The following DAAM2 variants were observed in gnomAD, a reference collection of about 807,000 sequenced individuals.
The protein encoded by DAAM2 is dishevelled associated activator of morphogenesis 2.
A neutral mutation model predicts 120.7 loss-of-function variants in DAAM2; 39 were observed. The ratio of observed to expected loss-of-function variants is 0.32; its 90% CI spans 0.25 to 0.42. DAAM2 has a LOEUF of 0.42. Among genes scored for constraint, DAAM2 ranks in the 10% least tolerant of loss-of-function variants. DAAM2 has a pLI of 1.00. For missense variants in DAAM2, 1,283 were observed against 1,401.7 expected (o/e 0.92, Z 1.35); for synonymous variants, 488 against 524.9 (o/e 0.93, Z 0.96).
At chr6:39,797,975 T>A (rs1422159794) in intron 1 of DAAM2, among the ~76,000 whole-genome samples, 1 of 152,256 alleles carries the variant, frequency 6.6e-6, no homozygotes, top group African/African-American at 2.4e-5. Context: ...CCATCTCTGT[T>A]CATTTGTGCT....
chr6:39,897,399 G>A, intron 21 of DAAM2, 117 bp downstream of exon 21: 1 of 658,832 alleles, frequency 1.5e-6, no homozygotes, highest in South Asian at 1.8e-5. Context: ...CTCGGTTCTT[G>A]TCTTCTGAGT....
intron 23 of DAAM2, 24 bp downstream of exon 23, chr6:39,900,232 G>C: frequency 2.5e-6 from 4 of 1,605,726 alleles, no homozygotes; most frequent in Non-Finnish European, 3.4e-6. Flanking sequence ...AACCCCCACT[G>C]CTTGCCAACC....
chr6:39,836,531 T>C (rs1763108653), intron 1 of DAAM2, among the ~76,000 whole-genome samples: 1 of 152,166 alleles, frequency 6.6e-6, no homozygotes, highest in African/African-American at 2.4e-5. Context: ...ATATTGTTAG[T>C]TGGTGGCAAA....
intron 15 of DAAM2, chr6:39,886,600 G>T (rs561918587): frequency 5.0e-6 from 2 of 396,996 alleles, no homozygotes; most frequent in East Asian, 7.1e-5. Flanking sequence ...CCCCCAAAGA[G>T]AAAGAAGAAA....
chr6:39,869,180 C>T (rs1764550408), intron 7 of DAAM2, among the ~76,000 whole-genome samples: 1 of 151,992 alleles, frequency 6.6e-6, no homozygotes, highest in African/African-American at 2.4e-5. Flanking sequence ...TTATGGAGAG[C>T]TGTTTCTGGA....
chr6:39,855,591 CCTT>C (rs1763967994), intron 1 of DAAM2, among the ~76,000 whole-genome samples: 1 of 152,242 alleles, frequency 6.6e-6, no homozygotes, highest in Non-Finnish European at 1.5e-5. Flanking sequence ...CTGGCCGCCT[CCTT>C]CTAGAAGGAT....
At chr6:39,883,821 A>G in intron 14 of DAAM2, 141 bp from the exon 15 acceptor site, 1 of 638,488 alleles carries the variant, frequency 1.6e-6, no homozygotes, top group Admixed American at 2.5e-5. Flanking sequence ...TGAGGGGAGC[A>G]ACCGACTACC....
intron 1 of DAAM2, among the ~76,000 whole-genome samples, chr6:39,809,259 G>C (rs185757248): frequency 6.6e-6 from 1 of 152,184 alleles, no homozygotes; most frequent in African/African-American, 2.4e-5. Flanking sequence ...TAGCAGAAAC[G>C]TAATGGGGGA....
chr6:39,889,638 T>C lies in DAAM2; in HGVS notation c.2145+875T>C, dbSNP rs532568983. 3.9e-5 allele frequency among the ~76,000 whole-genome samples: 6 copies of C among 152,316 alleles called. No homozygotes were observed. The South Asian group carries it at 1.2e-3, about 32-fold the overall frequency. ...TTAATAATGTGGGGGCTGGAGGCAT[T>C]GACCCTCCATGCAGTCAAAAATCCA... On this transcript the variant is annotated intron_variant, in intron 17 of 24. Coordinates refer to ENST00000274867, the MANE Select transcript of DAAM2 (RefSeq NM_001201427.2).
At chr6:39,867,405 G>C in intron 5 of DAAM2, 105 bp from the exon 6 acceptor site, 1 of 1,048,180 alleles carries the variant, frequency 9.5e-7, no homozygotes, top group Middle Eastern at 2.1e-4. Context: ...GGCTACTGTA[G>C]GTGGGACAAG....
intron 14 of DAAM2, 131 bp from the exon 15 acceptor site, chr6:39,883,831 C>T: frequency 1.5e-6 from 1 of 659,496 alleles, no homozygotes; most frequent in Admixed American, 2.4e-5. Context: ...AACCGACTAC[C>T]TTCTGAAGGT....
intron 10 of DAAM2, among the ~76,000 whole-genome samples, chr6:39,873,900 T>C (rs1292851415): frequency 6.6e-6 from 1 of 152,194 alleles, no homozygotes; most frequent in African/African-American, 2.4e-5. Flanking sequence ...ATTGAATAAA[T>C]TGTACATAAT....
Position 39,868,946 on chromosome 6 carries a change from C to T in DAAM2, c.873+13C>T, listed in dbSNP as rs1350642327. On this transcript the variant is annotated intron_variant, in intron 7 of 24. Transcript: ENST00000274867. Reference sequence around the variant, plus strand: ...TGGAGCTGGAGAGGTGGGGTGCCTTCTCCTTGCCCTTGCTGTTCCCTGACT... The same window carrying T: ...TGGAGCTGGAGAGGTGGGGTGCCTTTTCCTTGCCCTTGCTGTTCCCTGACT... The T allele has an allele frequency of 1.3e-6, 2 of 1,539,538 alleles. No homozygotes were observed. The highest frequency in any genetic ancestry group is 3.8e-5 in the Admixed American group (2 of 52,122).
At chr6:39,873,397 CCTTGA>C (rs1187314651) in intron 10 of DAAM2, 42 bp downstream of exon 10, 4 of 1,409,858 alleles carry the variant, frequency 2.8e-6, no homozygotes, top group Non-Finnish European at 4.0e-6. Context: ...CTGGCCTGAA[CCTTGA>C]CTTGGGGCAG....
intron 1 of DAAM2, among the ~76,000 whole-genome samples, chr6:39,839,299 A>G (rs1763233059): frequency 1.3e-5 from 2 of 152,204 alleles, no homozygotes; most frequent in Non-Finnish European, 2.9e-5. Context: ...GGAACTTGTT[A>G]AAATGCAGAT....
chr6:39,873,355 T>C lies in DAAM2; in HGVS notation c.1162T>C (p.Tyr388His). 6.2e-7 allele frequency: 1 copy of C among 1,601,354 alleles called. No individual in the cohort carries two copies. Among genetic ancestry groups the C allele is most frequent in the Non-Finnish European group, 8.6e-7 (1 of 1,169,476 alleles). The change falls in exon 10 of 25, where the codon TAC becomes CAC. Residue 388 changes from tyrosine to histidine, a missense_variant and splice_region_variant. This residue lies in a region of DAAM2 where 338 missense variants were observed against 443.9 expected (regional missense o/e 0.76). Transcript: ENST00000274867. The stretch of plus-strand genomic sequence containing the variant: ...GCTGCACCACTGCCTGCAGATGCCC[T>C]GTAAGTACCCTGCACTTGCTGCTTC... ...SVLHHCLQMP[Y>H]KRNGGYFQQW... is the part of the protein sequence containing the mutation.
intron 1 of DAAM2, among the ~76,000 whole-genome samples, chr6:39,841,776 C>G (rs1259001642): frequency 2.6e-5 from 4 of 152,088 alleles, no homozygotes; most frequent in Non-Finnish European, 4.4e-5. Context: ...AAGGACTGTT[C>G]TCAGGGCTTG....
chr6:39,854,478 G>A (rs1447297829), intron 1 of DAAM2, among the ~76,000 whole-genome samples: 3 of 152,154 alleles, frequency 2.0e-5, no homozygotes, highest in Admixed American at 2.0e-4. Context: ...GTTATTTGAG[G>A]CTTTTCTGGG....
chr6:39,805,117 G>A (rs141367755), intron 1 of DAAM2, among the ~76,000 whole-genome samples: 46 of 152,314 alleles, frequency 3.0e-4, no homozygotes, highest in African/African-American at 1.1e-3. Context: ...TTCTTATTAA[G>A]CCCACAGCTG....
Sources: gnomAD v4.1 joint callset for allele counts (sites outside exome capture counted in the v4.1 genomes callset) on GRCh38, gnomAD v4.1.1 for gene constraint, gnomAD v4.1.1 regional missense constraint, MANE v1.5 for transcripts, NCBI Gene and HGNC (gene_info 2026-07-23, HGNC 2026-07-21) for gene names.